DTX4: variants seen among roughly 807,000 people sequenced by gnomAD.
The protein encoded by DTX4 is deltex E3 ubiquitin ligase 4.
A neutral mutation model predicts 57.6 loss-of-function variants in DTX4; 28 were observed. The ratio of observed to expected loss-of-function variants is 0.49; its 90% CI spans 0.36 to 0.67. DTX4 has a LOEUF of 0.67. DTX4 is among the 30% of genes least tolerant of loss of function. The pLI is 0.00. For synonymous variants in DTX4, 316 were observed against 331.0 expected (o/e 0.95, Z 0.49); for missense variants, 715 against 836.8 (o/e 0.85, Z 1.80).
intron 1 of DTX4, among the ~76,000 whole-genome samples, chr11:59,179,542 T>C (rs1029521481): frequency 6.6e-6 from 1 of 152,238 alleles, no homozygotes; most frequent in Non-Finnish European, 1.5e-5. Flanking sequence ...TCAGCCACAT[T>C]GCAGGGACTT....
In DTX4 at chr11:59,186,418, G is replaced by A. The variant is rs1413390920; in HGVS notation, c.936-2317G>A. ...CTGGAGTGGGGGCTCTGAAGATGGC[G>A]AGGGAGAAGGTAGGTGCAGGTCTGG... On this transcript the variant is annotated intron_variant, in intron 2 of 8. Transcript: ENST00000227451. Among the ~76,000 whole-genome samples the A allele has an allele frequency of 3.3e-5, 5 of 152,288 alleles. No individual in the cohort carries two copies. In the East Asian group the frequency reaches 7.7e-4, roughly 24 times the overall value.
At chr11:59,202,481 T>G (rs1862751581) in intron 8 of DTX4, among the ~76,000 whole-genome samples, 1 of 152,244 alleles carries the variant, frequency 6.6e-6, no homozygotes, top group Admixed American at 6.5e-5. Flanking sequence ...CAATTGTAAT[T>G]TATCCATGCC....
intron 8 of DTX4, among the ~76,000 whole-genome samples, chr11:59,201,740 C>T (rs1862743012): frequency 6.6e-6 from 1 of 152,230 alleles, no homozygotes; most frequent in Non-Finnish European, 1.5e-5. Flanking sequence ...CCTTGAAGAG[C>T]CAGATTTCTG....
chr11:59,192,370 A>C (rs556599762), intron 6 of DTX4, 120 bp downstream of exon 6: 1 of 1,187,380 alleles, frequency 8.4e-7, no homozygotes, highest in African/African-American at 1.5e-5. Flanking sequence ...GGTTATCCCT[A>C]GGCAAGAGTG....
At chr11:59,184,739 A>G (rs1021981557) in intron 2 of DTX4, among the ~76,000 whole-genome samples, 3 of 152,194 alleles carry the variant, frequency 2.0e-5, no homozygotes, top group Non-Finnish European at 4.4e-5. Flanking sequence ...TGAGCAGTAC[A>G]GTTTCAAAAG....
At chr11:59,203,515 G>T (rs947057583) in intron 8 of DTX4, among the ~76,000 whole-genome samples, 1 of 152,126 alleles carries the variant, frequency 6.6e-6, no homozygotes, top group Non-Finnish European at 1.5e-5. Context: ...CTGCTGGAAG[G>T]CCCTGGGGAC....
rs142428055 is a variant in DTX4, at chr11:59,178,549, C to T, written c.212-3190C>T. ...ATTAAAGTAGCCAGAAGTCTTCAATCAGTCACAGCAGTTTCTGGAGCCCTT... is the reference window on the plus strand; with the variant it reads ...ATTAAAGTAGCCAGAAGTCTTCAATTAGTCACAGCAGTTTCTGGAGCCCTT... On this transcript the variant is annotated intron_variant, in intron 1 of 8. Transcript: ENST00000227451. 1.5e-3 allele frequency among the ~76,000 whole-genome samples: 221 copies of T among 152,322 alleles called. 1 individual carries two copies. Among genetic ancestry groups the T allele is most frequent in the African/African-American group, 5.0e-3 (209 of 41,570 alleles).
chr11:59,182,505 G>A, intron 2 of DTX4, 43 bp downstream of exon 2: 1 of 1,530,336 alleles, frequency 6.5e-7, no homozygotes, highest in Non-Finnish European at 8.8e-7. Flanking sequence ...ACTCAGGGTA[G>A]AGATAGGCTA....
At chr11:59,185,178 T>A (rs1224812717) in intron 2 of DTX4, 1 of 152,126 alleles carries the variant, frequency 6.6e-6, no homozygotes, top group Non-Finnish European at 1.5e-5. Context: ...GCGTCACCCC[T>A]CTAGCCCCCT....
At chr11:59,191,372 C>T (rs1230057589) in intron 5 of DTX4, among the ~76,000 whole-genome samples, 197 bp downstream of exon 5, 1 of 152,208 alleles carries the variant, frequency 6.6e-6, no homozygotes, top group African/African-American at 2.4e-5. Flanking sequence ...TCCCGCCTCC[C>T]CCTTCAGCAT....
In DTX4 at chr11:59,172,363, C is replaced by CCGGCGGCGG. The variant is rs1396583211; in HGVS notation, c.-224_-216dup. The stretch of plus-strand genomic sequence containing the variant: ...AGAGCAGCGGCAGCAGCAGCGGACC[C>CCGGCGGCGG]CGGCGGCGGCGGCGGCGCGCGGTCC... On this transcript the variant is annotated 5_prime_UTR_variant, in exon 1 of 9. Coordinates refer to ENST00000227451, the MANE Select transcript of DTX4 (RefSeq NM_015177.2). The CCGGCGGCGG allele has an allele frequency of 6.1e-6, 1 of 163,926 alleles. No individual in the cohort carries two copies. The highest frequency in any genetic ancestry group is 1.3e-5 in the Non-Finnish European group (1 of 76,760). The allele number at this position is 163,926 out of a possible 1,614,324, so 10.2% of individuals were successfully genotyped here. A position where few individuals can be genotyped will look rare whatever the true frequency, so the allele number is the denominator to read the frequency against.
At chr11:59,195,521 C>G (rs943225492) in intron 7 of DTX4, among the ~76,000 whole-genome samples, 152 bp downstream of exon 7, 1 of 152,212 alleles carries the variant, frequency 6.6e-6, no homozygotes, top group Non-Finnish European at 1.5e-5. Flanking sequence ...TCCCCCGACT[C>G]AACACTATTG....
At position 59,191,142 on chromosome 11, in the gene DTX4, A is replaced by G; in HGVS notation, c.1188A>G (p.Lys396=). ...KGKTPEEVLK[K]YLQKVRHPPD... The stretch of plus-strand genomic sequence containing the variant: ...AAACCCCAGAGGAAGTGCTAAAAAA[A>G]TATCTACAGAAAGTCCGGCACCCAC... Residue 396 remains lysine (K), a synonymous_variant, in exon 5 of 9, where the codon AAA becomes AAG. Transcript: ENST00000227451. 6.4e-7 allele frequency: 1 copy of G among 1,574,128 alleles called. No homozygotes were observed. The highest frequency in any genetic ancestry group is 8.6e-7 in the Non-Finnish European group (1 of 1,159,764).
intron 2 of DTX4, chr11:59,185,281 A>G (rs947574097): frequency 2.0e-5 from 3 of 152,180 alleles, no homozygotes; most frequent in South Asian, 2.1e-4. Flanking sequence ...GGACTGGTGC[A>G]TAACTCCGAG....
intron 4 of DTX4, 92 bp from the exon 5 acceptor site, chr11:59,191,022 G>A: frequency 1.6e-6 from 2 of 1,240,588 alleles, no homozygotes; most frequent in African/African-American, 1.5e-5. Context: ...TAACTTGCCT[G>A]ATAACGTCCC....
intron 6 of DTX4, among the ~76,000 whole-genome samples, chr11:59,193,448 G>T (rs574901824): frequency 2.0e-5 from 3 of 152,090 alleles, no homozygotes; most frequent in Non-Finnish European, 4.4e-5. Context: ...ATTGATGGGG[G>T]ATGCAAATCT....
chr11:59,174,500 G>GGAAAAAAAAAAAA (rs1862371221), intron 1 of DTX4, among the ~76,000 whole-genome samples: 1 of 55,722 alleles, frequency 1.8e-5, no homozygotes, highest in East Asian at 6.5e-4. Context: ...TTCCAGTCCT[G>GGAAAAAAAAAAAA]GAAAAAAAAA....
At chr11:59,190,915 C>CTTCT (rs1356630215) in intron 4 of DTX4, among the ~76,000 whole-genome samples, 199 bp from the exon 5 acceptor site, 3 of 152,122 alleles carry the variant, frequency 2.0e-5, no homozygotes, top group African/African-American at 7.2e-5. Context: ...GAAATAAAGC[C>CTTCT]TTCTCGTCAA....
intron 1 of DTX4, among the ~76,000 whole-genome samples, chr11:59,180,147 G>T (rs1353885612): frequency 6.6e-6 from 1 of 152,090 alleles, no homozygotes; most frequent in Non-Finnish European, 1.5e-5. Context: ...AACAGATGAG[G>T]AAACTGAGGC....
Sources: allele counts gnomAD v4.1 joint callset (sites outside exome capture counted in the v4.1 genomes callset), GRCh38; gene constraint gnomAD v4.1.1; transcripts MANE v1.5; gene names NCBI Gene and HGNC (gene_info 2026-07-23, HGNC 2026-07-21).